TRIM62: variants seen among roughly 807,000 people sequenced by gnomAD.
TRIM62 encodes E3 ubiquitin-protein ligase TRIM62.
In TRIM62, 39 loss-of-function variants were observed where a neutral mutation model predicts 44.2. The ratio of observed to expected loss-of-function variants is 0.88; its 90% CI spans 0.68 to 1.15. The LOEUF (loss-of-function observed/expected upper bound fraction) is 1.15, where lower values mean the gene tolerates loss of function less well. Among genes scored for constraint, TRIM62 ranks in the 50% most tolerant of loss-of-function variants. The pLI is 0.00. For missense variants in TRIM62, 544 were observed against 665.5 expected, an observed-to-expected ratio of 0.82 and a Z score of 2.01; for synonymous variants, 278 against 292.3, an observed-to-expected ratio of 0.95 and a Z score of 0.50.
intron 4 of TRIM62, among the ~76,000 whole-genome samples, chr1:33,155,091 T>TTTG (rs1645159329): frequency 1.5e-5 from 2 of 134,188 alleles, no homozygotes; most frequent in African/African-American, 5.3e-5. Context: ...AGACTCCATC[T>TTTG]CAAAAGGTCT....
chr1:33,155,426 A>G (rs1645164710), intron 4 of TRIM62, among the ~76,000 whole-genome samples: 1 of 152,020 alleles, frequency 6.6e-6, no homozygotes. Context: ...GAACAGAAGA[A>G]TGAATCCAGC....
chr1:33,156,175 T>C (rs1207305181), intron 4 of TRIM62, among the ~76,000 whole-genome samples: 1 of 152,220 alleles, frequency 6.6e-6, no homozygotes, highest in African/African-American at 2.4e-5. Flanking sequence ...TCCTACATCC[T>C]TAATTCTGTC....
Position 33,146,912 on chromosome 1 carries a change from GGTT to G in TRIM62, c.*262_*264del. 1 of 502,394 alleles carries G rather than the reference GGTT, an allele frequency of 2.0e-6. No individual in the cohort carries two copies. The highest frequency in any genetic ancestry group is 2.4e-5 in the South Asian group (1 of 42,524). The allele number at this position is 502,394 out of a possible 1,614,324, so 31.1% of individuals were successfully genotyped here. A position where few individuals can be genotyped will look rare whatever the true frequency, so the allele number is the denominator to read the frequency against. On this transcript the variant is annotated 3_prime_UTR_variant, in exon 5 of 5. Transcript: ENST00000291416. ...AAGATGGGGATGAGGGTTGGGCAGGGGTTGCCCTGAGGAGAAGCCATGTCACAT... is the reference window on the plus strand; with the variant it reads ...AAGATGGGGATGAGGGTTGGGCAGGGGCCCTGAGGAGAAGCCATGTCACAT...
Position 33,174,945 on chromosome 1 carries a change from G to GTGTA in TRIM62, c.408+6079_408+6080insTACA, listed in dbSNP as rs1172648170. ...CACACACACACATACATATATGTGT[G>GTGTA]TATATATATATATATATATATATAC... On this transcript the variant is annotated intron_variant, in intron 1 of 4. Transcript: ENST00000291416. 2.4e-3 allele frequency among the ~76,000 whole-genome samples: 345 copies of GTGTA among 141,722 alleles called. 2 individuals are homozygous for GTGTA. Among genetic ancestry groups the GTGTA allele is most frequent in the African/African-American group, 8.9e-3 (325 of 36,506 alleles). The allele number at this position is 141,722 out of a possible 152,430, so 93.0% of individuals were successfully genotyped here. A position where few individuals can be genotyped will look rare whatever the true frequency, so the allele number is the denominator to read the frequency against.
Position 33,146,009 on chromosome 1 carries a change from G to A in TRIM62, c.*1168C>T, listed in dbSNP as rs138577210. The A allele has an allele frequency of 7.1e-4, 309 of 436,138 alleles. 1 individual carries two copies. The highest frequency in any genetic ancestry group is 1.8e-3 in the Admixed American group (66 of 37,146). The allele number at this position is 436,138 out of a possible 1,614,324, so 27.0% of individuals were successfully genotyped here. On this transcript the variant is annotated 3_prime_UTR_variant, in exon 5 of 5. Coordinates refer to ENST00000291416, the MANE Select transcript of TRIM62 (RefSeq NM_018207.3). The stretch of plus-strand genomic sequence containing the variant: ...CCTCAGGACATCTATTGGCTGGCAC[G>A]GACCGTGGCAGAGGGAGCCTAGTTC...
chr1:33,172,552 G>A (rs990689209), intron 1 of TRIM62, among the ~76,000 whole-genome samples: 3 of 152,170 alleles, frequency 2.0e-5, no homozygotes, highest in African/African-American at 7.2e-5. Flanking sequence ...TCGGAGCGGG[G>A]GTGGGCCGGG....
intron 4 of TRIM62, among the ~76,000 whole-genome samples, chr1:33,152,335 G>A: frequency 6.6e-6 from 1 of 152,194 alleles, no homozygotes; most frequent in Non-Finnish European, 1.5e-5. Flanking sequence ...GGAGGCCGAG[G>A]CAGGCGGATC....
At chr1:33,172,818 C>T (rs1645384562) in intron 1 of TRIM62, among the ~76,000 whole-genome samples, 1 of 152,146 alleles carries the variant, frequency 6.6e-6, no homozygotes, top group Non-Finnish European at 1.5e-5. Context: ...CTGTGGAAAG[C>T]CATCTCAGCT....
rs754593538 is a variant in TRIM62, at chr1:33,147,736, G to A, written c.878-9C>T. The stretch of plus-strand genomic sequence containing the variant: ...GGTTAGGGCGGCTGGCACTGTGGGG[G>A]TTGGAGGAGGGAGAGAAGATGAGTG... On this transcript the variant is annotated splice_polypyrimidine_tract_variant and intron_variant, in intron 4 of 4. Transcript: ENST00000291416. The surrounding 1 kb of genome is among the most constrained non-coding windows in gnomAD (Gnocchi z 8.1). The A allele has an allele frequency of 1.2e-5, 20 of 1,604,608 alleles. No individual in the cohort carries two copies. The highest frequency in any genetic ancestry group is 1.7e-4 in the Middle Eastern group (1 of 6,052).
intron 4 of TRIM62, among the ~76,000 whole-genome samples, chr1:33,154,947 G>C (rs960765388): frequency 2.0e-5 from 3 of 151,184 alleles, no homozygotes; most frequent in African/African-American, 7.3e-5. Flanking sequence ...CAAAAAATTA[G>C]CCAGGCGTCT....
At chr1:33,173,001 C>A (rs911906613) in intron 1 of TRIM62, among the ~76,000 whole-genome samples, 4 of 152,180 alleles carry the variant, frequency 2.6e-5, no homozygotes, top group African/African-American at 4.8e-5. Flanking sequence ...TCAAGCCTCT[C>A]CTCTTCTCCA....
intron 1 of TRIM62, among the ~76,000 whole-genome samples, chr1:33,179,210 G>C (rs1258380129): frequency 2.6e-5 from 4 of 152,260 alleles, no homozygotes; most frequent in Non-Finnish European, 5.9e-5. Flanking sequence ...CGATGGCTCT[G>C]GGGGTGGAGG....
intron 2 of TRIM62, among the ~76,000 whole-genome samples, chr1:33,162,525 C>T (rs183970873): frequency 8.5e-5 from 13 of 152,378 alleles, no homozygotes; most frequent in African/African-American, 3.1e-4. Flanking sequence ...GCTCTGCACC[C>T]CTGTGCCCAT....
Position 33,159,468 on chromosome 1 carries a change from G to A in TRIM62, c.761+220C>T, listed in dbSNP as rs957365165. ...CTGCCCTCTAGATGGTTTTCAAACTGTGTTCCTCACCATTGCTGCTGCTCC... is the reference window on the plus strand; with the variant it reads ...CTGCCCTCTAGATGGTTTTCAAACTATGTTCCTCACCATTGCTGCTGCTCC... On this transcript the variant is annotated intron_variant, in intron 3 of 4. Transcript: ENST00000291416. The surrounding 1 kb of genome is among the most constrained non-coding windows in gnomAD (Gnocchi z 4.2). 2.0e-5 allele frequency among the ~76,000 whole-genome samples: 3 copies of A among 152,166 alleles called. 1 individual carries two copies. Among genetic ancestry groups the A allele is most frequent in the Non-Finnish European group, 4.4e-5 (3 of 68,032 alleles).
At chr1:33,150,049 C>T (rs960319005) in intron 4 of TRIM62, among the ~76,000 whole-genome samples, 4 of 152,340 alleles carry the variant, frequency 2.6e-5, no homozygotes, top group South Asian at 2.1e-4. Context: ...TTTCATGAAC[C>T]CTTGTTAAGA....
rs1645089369 is a variant in TRIM62, at chr1:33,151,016, G to T, written c.878-3289C>A. Among the ~76,000 whole-genome samples, 6 of 152,230 alleles carry T rather than the reference G, an allele frequency of 3.9e-5. No individual in the cohort carries two copies. The South Asian group carries it at 8.3e-4, about 21-fold the overall frequency. ...GCTCAGGGCAGAAGGACTGGTGCGG[G>T]GCGGGGGGTACCCTCAAGCAGGTAT... On this transcript the variant is annotated intron_variant, in intron 4 of 4. Coordinates refer to ENST00000291416, the MANE Select transcript of TRIM62 (RefSeq NM_018207.3).
At chr1:33,163,060 T>G (rs1645290238) in intron 2 of TRIM62, 1 of 152,048 alleles carries the variant, frequency 6.6e-6, no homozygotes, top group Non-Finnish European at 1.5e-5. Context: ...TTTTTTGAGA[T>G]GGAGTCTCAC....
At chr1:33,160,690 C>G (rs144458409) in intron 2 of TRIM62, among the ~76,000 whole-genome samples, 197 of 152,280 alleles carry the variant, frequency 1.3e-3, no homozygotes, top group African/African-American at 4.0e-3. Context: ...CAGGCGTGAG[C>G]CATCGTGCCC....
rs924266443 is a variant in TRIM62, at chr1:33,177,777, T to A, written c.408+3248A>T. Among the ~76,000 whole-genome samples the A allele has an allele frequency of 2.0e-5, 3 of 152,162 alleles. No individual in the cohort carries two copies. Among genetic ancestry groups the A allele is most frequent in the African/African-American group, 7.2e-5 (3 of 41,442 alleles). The stretch of plus-strand genomic sequence containing the variant: ...TGCACAACAGTTATCTAGCCCCAAA[T>A]GTCAATAATGCCGAGTACGATGTAA... On this transcript the variant is annotated intron_variant, in intron 1 of 4. Coordinates refer to ENST00000291416, the MANE Select transcript of TRIM62 (RefSeq NM_018207.3). The surrounding 1 kb of genome is among the most constrained non-coding windows in gnomAD (Gnocchi z 4.1).
Sources: allele counts gnomAD v4.1 joint callset (sites outside exome capture counted in the v4.1 genomes callset), GRCh38; gene constraint gnomAD v4.1.1; non-coding constraint Gnocchi (gnomAD v3.1); transcripts MANE v1.5; gene names NCBI Gene and HGNC (gene_info 2026-07-23, HGNC 2026-07-21).